Variants in IL20RB observed in about 807,000 individuals in gnomAD.
The protein encoded by IL20RB is interleukin 20 receptor subunit beta, also known as interleukin-20 receptor subunit beta.
IL20RB carries 21 observed loss-of-function variants against 33.3 expected under a neutral mutation model. The ratio of observed to expected loss-of-function variants is 0.63; its 90% CI spans 0.45 to 0.91. The LOEUF is 0.91. Ranked by LOEUF, IL20RB falls within the 40% of genes least tolerant of loss-of-function variation. The pLI is 0.00. For missense variants in IL20RB, 345 were observed against 384.8 expected, an observed-to-expected ratio of 0.90 and a Z score of 0.86; for synonymous variants, 147 against 146.8, an observed-to-expected ratio of 1.00 and a Z score of -0.01.
At position 136,958,218 on chromosome 3, in the gene IL20RB, A is replaced by G; in HGVS notation, c.88+17A>G. 6.6e-7 allele frequency: 1 copy of G among 1,505,852 alleles called. No homozygotes were observed. Among genetic ancestry groups the G allele is most frequent in the Non-Finnish European group, 9.2e-7 (1 of 1,082,008 alleles). 93.3% of individuals were successfully genotyped at this position (1,505,852 alleles called of 1,614,324 possible). ...TGCTCACAGGTAAGTATGAATTAGA[A>G]TACATCCAATAGTTTGGGCCTTGAA... On this transcript the variant is annotated intron_variant, in intron 1 of 6. Transcript: ENST00000329582.
chr3:136,963,361 C>G (rs887688212), intron 1 of IL20RB, among the ~76,000 whole-genome samples: 2 of 152,188 alleles, frequency 1.3e-5, no homozygotes, highest in Admixed American at 1.3e-4. Flanking sequence ...TTACAAGAAA[C>G]TGCCAAACTA....
At chr3:136,977,544 G>T (rs1435309474) in intron 1 of IL20RB, among the ~76,000 whole-genome samples, 14 of 151,098 alleles carry the variant, frequency 9.3e-5, no homozygotes, top group African/African-American at 2.9e-4. Flanking sequence ...ATTTTTTTTT[G>T]AGATGGAGTC....
chr3:137,004,964 G>A (rs1942323404), intron 6 of IL20RB, among the ~76,000 whole-genome samples: 1 of 152,148 alleles, frequency 6.6e-6, no homozygotes, highest in Admixed American at 6.6e-5. Flanking sequence ...CTGCTACGTT[G>A]TGTCTTTGTT....
At chr3:136,981,447 G>C (rs530943852) in intron 2 of IL20RB, among the ~76,000 whole-genome samples, 3 of 152,196 alleles carry the variant, frequency 2.0e-5, no homozygotes, top group Admixed American at 1.3e-4. Flanking sequence ...AGGGAATTTT[G>C]GATAGTAATC....
chr3:136,958,919 C>T (rs1941119391), intron 1 of IL20RB, among the ~76,000 whole-genome samples: 1 of 141,726 alleles, frequency 7.1e-6, no homozygotes, highest in Non-Finnish European at 1.5e-5. Flanking sequence ...CTTTCTCTCT[C>T]TCTCTCTCTC....
In IL20RB at chr3:136,982,204, G is replaced by A; in HGVS notation, c.260G>A (p.Ser87Asn). The change falls in exon 3 of 7, where the codon AGC becomes AAC. Residue 87 changes from serine to asparagine, a missense_variant. By Grantham distance (46) the Ser-to-Asn change is conservative. Coordinates refer to ENST00000329582, the MANE Select transcript of IL20RB (RefSeq NM_144717.4). ...LYTSHIWIPS[S>N]WCSLTEGPEC... is the part of the protein sequence containing the mutation. ...ACGAGCCACATCTGGATCCCCAGCA[G>A]CTGGTGCTCACTCACTGAAGGTCCT... The A allele has an allele frequency of 1.9e-6, 3 of 1,602,072 alleles. No homozygotes were observed. Among genetic ancestry groups the A allele is most frequent in the Non-Finnish European group, 2.6e-6 (3 of 1,170,332 alleles).
chr3:136,977,184 T>G (rs1560068537), intron 1 of IL20RB, among the ~76,000 whole-genome samples: 2 of 152,262 alleles, frequency 1.3e-5, no homozygotes, highest in Non-Finnish European at 2.9e-5. Flanking sequence ...CATGAAATGC[T>G]TCTGGTCAGC....
intron 6 of IL20RB, among the ~76,000 whole-genome samples, chr3:137,000,770 T>A (rs1405349510): frequency 2.0e-5 from 3 of 152,246 alleles, no homozygotes; most frequent in Admixed American, 2.0e-4. Context: ...TCAGCCTTCC[T>A]CAGCTGGGCT....
chr3:136,986,640 C>G (rs1275537521), intron 3 of IL20RB: 1 of 456,290 alleles, frequency 2.2e-6, no homozygotes, highest in Non-Finnish European at 4.4e-6. Context: ...ATAAACACTT[C>G]TCTGATGAGG....
chr3:136,978,476 G>GT (rs1197420633), intron 1 of IL20RB, among the ~76,000 whole-genome samples: 5 of 151,954 alleles, frequency 3.3e-5, no homozygotes, highest in Admixed American at 3.3e-4. Flanking sequence ...GTTTTGTCTT[G>GT]TTTTTCATAA....
intron 6 of IL20RB, 89 bp from the exon 7 acceptor site, chr3:137,010,024 T>C: frequency 1.4e-6 from 1 of 706,708 alleles, no homozygotes; most frequent in Non-Finnish European, 2.5e-6. Flanking sequence ...TGGAAATTAA[T>C]TAATCAAATA....
At chr3:136,963,228 G>A (rs571928335) in intron 1 of IL20RB, among the ~76,000 whole-genome samples, 44 of 152,192 alleles carry the variant, frequency 2.9e-4, no homozygotes, top group African/African-American at 1.0e-3. Context: ...GGACATCTGG[G>A]CCGATTCCAG....
chr3:136,983,601 G>A (rs1179026244), intron 3 of IL20RB, among the ~76,000 whole-genome samples: 1 of 152,208 alleles, frequency 6.6e-6, no homozygotes, highest in African/African-American at 2.4e-5. Flanking sequence ...TGTGGGGACA[G>A]AAAAGGGAGA....
In IL20RB at chr3:136,975,673, G is replaced by A. The variant is rs1012700877; in HGVS notation, c.89-4793G>A. ...TTATTCTGGGTACTTTGGCTGCAGCGTTAGTAGTATATGTGATTTCATCAG... is the reference window on the plus strand; with the variant it reads ...TTATTCTGGGTACTTTGGCTGCAGCATTAGTAGTATATGTGATTTCATCAG... On this transcript the variant is annotated intron_variant, in intron 1 of 6. Coordinates refer to ENST00000329582, the MANE Select transcript of IL20RB (RefSeq NM_144717.4). Among the ~76,000 whole-genome samples the A allele has an allele frequency of 1.2e-4, 18 of 152,146 alleles. No homozygotes were observed. The East Asian group carries it at 1.3e-3, about 11-fold the overall frequency.
At chr3:137,005,786 T>A (rs1241578197) in intron 6 of IL20RB, among the ~76,000 whole-genome samples, 1 of 152,226 alleles carries the variant, frequency 6.6e-6, no homozygotes, top group Admixed American at 6.5e-5. Context: ...TATTGTTATG[T>A]GTGAATTTGA....
At chr3:136,984,591 A>G (rs2108202380) in intron 3 of IL20RB, among the ~76,000 whole-genome samples, 1 of 151,960 alleles carries the variant, frequency 6.6e-6, no homozygotes, top group Admixed American at 6.6e-5. Flanking sequence ...TGAGGAATGT[A>G]TGATATTAGG....
Position 137,010,391 on chromosome 3 carries a change from C to A in IL20RB, c.*168C>A. On this transcript the variant is annotated 3_prime_UTR_variant, in exon 7 of 7. Coordinates refer to ENST00000329582, the MANE Select transcript of IL20RB (RefSeq NM_144717.4). ...AACCATCAGAGGCAGGGTGGTTTGT[C>A]TAACAGAACACTGACTGAGGCTTAG... is the stretch of plus-strand genomic sequence containing the variant. 1.8e-6 allele frequency: 1 copy of A among 568,794 alleles called. No individual in the cohort carries two copies. Among genetic ancestry groups the A allele is most frequent in the Non-Finnish European group, 3.2e-6 (1 of 312,416 alleles). The allele number at this position is 568,794 out of a possible 1,614,324, so 35.2% of individuals were successfully genotyped here. A position where few individuals can be genotyped will look rare whatever the true frequency, so the allele number is the denominator to read the frequency against.
chr3:136,991,900 G>A (rs372339382), intron 4 of IL20RB, 38 bp from the exon 5 acceptor site: 115 of 1,603,608 alleles, frequency 7.2e-5, no homozygotes, highest in African/African-American at 1.3e-4. Flanking sequence ...GTGAGCCACC[G>A]CACTTGGCCA....
intron 1 of IL20RB, among the ~76,000 whole-genome samples, chr3:136,962,671 G>A (rs948247620): frequency 2.0e-5 from 3 of 151,052 alleles, no homozygotes; most frequent in Non-Finnish European, 4.4e-5. Flanking sequence ...AGAATCGCTT[G>A]AACCTGGGAG....
Sources: gnomAD v4.1 joint callset for allele counts (sites outside exome capture counted in the v4.1 genomes callset) on GRCh38, gnomAD v4.1.1 for gene constraint, MANE v1.5 for transcripts, NCBI Gene and HGNC (gene_info 2026-07-23, HGNC 2026-07-21) for gene names.